PTPRG: variants seen among roughly 807,000 people sequenced by gnomAD.
PTPRG encodes the protein protein tyrosine phosphatase receptor type G.
PTPRG carries 102 observed loss-of-function variants against 165.3 expected under a neutral mutation model. The observed-to-expected ratio is 0.62, with a 90% CI of 0.53 to 0.73. PTPRG has a LOEUF of 0.73. Ranked by LOEUF, PTPRG falls within the 30% of genes least tolerant of loss-of-function variation. The probability of loss-of-function intolerance (pLI) is 0.00; values close to 1 mark genes in which losing one functional copy is unlikely to be tolerated. For synonymous variants in PTPRG, 675 were observed against 669.5 expected (o/e 1.01, Z -0.13); for missense variants, 1,866 against 1,861.4 (o/e 1.00, Z -0.05).
chr3:61,743,045 G>T (rs2033058712), intron 1 of PTPRG: 7 of 1,596,656 alleles, frequency 4.4e-6, no homozygotes, highest in Non-Finnish European at 6.0e-6. Context: ...CGCTTGCGCT[G>T]GTTCCGGTGC....
At chr3:61,978,151 T>A (rs1315609816) in intron 2 of PTPRG, among the ~76,000 whole-genome samples, 1 of 152,190 alleles carries the variant, frequency 6.6e-6, no homozygotes, top group Non-Finnish European at 1.5e-5. Flanking sequence ...CATGCCTGAC[T>A]GACATTTAGA....
chr3:61,999,860 G>C (rs765996668), intron 3 of PTPRG, among the ~76,000 whole-genome samples: 5 of 152,160 alleles, frequency 3.3e-5, no homozygotes, highest in Non-Finnish European at 7.3e-5. Context: ...ATGAGTATCA[G>C]GGAACTATGT....
intron 5 of PTPRG, among the ~76,000 whole-genome samples, chr3:62,121,979 G>T (rs1290725970): frequency 6.6e-6 from 1 of 152,150 alleles, no homozygotes; most frequent in Non-Finnish European, 1.5e-5. Context: ...GAACTCAGGT[G>T]CATGTTAAAT....
At chr3:61,819,423 T>A (rs2687148) in intron 2 of PTPRG, among the ~76,000 whole-genome samples, 1 of 152,160 alleles carries the variant, frequency 6.6e-6, no homozygotes, top group East Asian at 1.9e-4. Flanking sequence ...CAGATAATCA[T>A]AATTGGAGTG....
At chr3:61,790,896 A>G (rs999350994) in intron 2 of PTPRG, among the ~76,000 whole-genome samples, 4 of 152,160 alleles carry the variant, frequency 2.6e-5, no homozygotes, top group Non-Finnish European at 5.9e-5. Flanking sequence ...TTTTTTGAAT[A>G]TCAATAAGAT....
At chr3:61,805,289 T>C (rs867233355) in intron 2 of PTPRG, among the ~76,000 whole-genome samples, 1 of 152,126 alleles carries the variant, frequency 6.6e-6, no homozygotes, top group South Asian at 2.1e-4. Flanking sequence ...CATTCTACAA[T>C]GCACTGGACT....
At position 61,896,717 on chromosome 3, in the gene PTPRG, A is replaced by G. The variant is rs145422032; in HGVS notation, c.191-92908A>G. On this transcript the variant is annotated intron_variant, in intron 2 of 29. Transcript: ENST00000474889. ...GCAATTTTTGACATTACAATTTGAT[A>G]TTGATATTGATACTGATTTTTAATT... Among the ~76,000 whole-genome samples, 459 of 152,222 alleles carry G rather than the reference A, an allele frequency of 3.0e-3. 2 individuals are homozygous for G. Among genetic ancestry groups the G allele is most frequent in the Non-Finnish European group, 3.5e-3 (236 of 68,006 alleles).
Position 62,125,043 on chromosome 3 carries a change from T to A in PTPRG, c.616-7559T>A, listed in dbSNP as rs78792060. Among the ~76,000 whole-genome samples the A allele has an allele frequency of 4.1e-3, 624 of 152,270 alleles. 3 individuals are homozygous for A. Among genetic ancestry groups the A allele is most frequent in the Non-Finnish European group, 6.3e-3 (429 of 68,022 alleles). ...TAGAATTCAGTACATATTGGTTGAA[T>A]CAATGAGTTTAAGGAGCCAGTGCTT... On this transcript the variant is annotated intron_variant, in intron 5 of 29. Coordinates refer to ENST00000474889, the MANE Select transcript of PTPRG (RefSeq NM_002841.4).
intron 8 of PTPRG, among the ~76,000 whole-genome samples, chr3:62,174,272 T>C (rs1705330074): frequency 6.6e-6 from 1 of 152,234 alleles, no homozygotes; most frequent in Non-Finnish European, 1.5e-5. Context: ...CCAAACCTGT[T>C]CAAACCGCAG....
chr3:61,957,367 A>G (rs2040055595), intron 2 of PTPRG, among the ~76,000 whole-genome samples: 1 of 152,200 alleles, frequency 6.6e-6, no homozygotes, highest in African/African-American at 2.4e-5. Context: ...TTTTAGTAAA[A>G]ATTATTCATG....
chr3:61,611,055 G>A (rs1701153698), intron 1 of PTPRG, among the ~76,000 whole-genome samples: 1 of 152,100 alleles, frequency 6.6e-6, no homozygotes, highest in Non-Finnish European at 1.5e-5. Flanking sequence ...TCCTGTCTTG[G>A]CCTCCCAAAG....
intron 2 of PTPRG, among the ~76,000 whole-genome samples, chr3:61,827,050 T>C (rs1224810517): frequency 2.0e-5 from 3 of 152,210 alleles, no homozygotes; most frequent in Admixed American, 6.5e-5. Flanking sequence ...AATGAGGATA[T>C]AGACGTTTGT....
intron 28 of PTPRG, among the ~76,000 whole-genome samples, chr3:62,287,101 A>T (rs1702692895): frequency 6.6e-6 from 1 of 152,194 alleles, no homozygotes; most frequent in Admixed American, 6.5e-5. Flanking sequence ...CATGGAGTGC[A>T]TGCATACTCC....
At chr3:61,602,323 C>A (rs529315836) in intron 1 of PTPRG, among the ~76,000 whole-genome samples, 2 of 152,100 alleles carry the variant, frequency 1.3e-5, no homozygotes, top group African/African-American at 4.8e-5. Context: ...CACCTGCCCC[C>A]TTGTAATTAA....
At chr3:61,724,340 T>G (rs1445891997) in intron 1 of PTPRG, among the ~76,000 whole-genome samples, 1 of 152,142 alleles carries the variant, frequency 6.6e-6, no homozygotes, top group Non-Finnish European at 1.5e-5. Flanking sequence ...TTGGCCTTAT[T>G]GTAAAGTAGT....
chr3:61,980,051 G>C (rs1388989346), intron 2 of PTPRG, among the ~76,000 whole-genome samples: 1 of 151,720 alleles, frequency 6.6e-6, no homozygotes, highest in East Asian at 1.9e-4. Flanking sequence ...ACTTGTGATT[G>C]AAATTTCTCA....
intron 1 of PTPRG, among the ~76,000 whole-genome samples, chr3:61,655,829 A>C (rs1456441097): frequency 6.6e-6 from 1 of 152,062 alleles, no homozygotes; most frequent in Non-Finnish European, 1.5e-5. Context: ...ACTGGTCTTG[A>C]ACTCCTGGTC....
chr3:61,709,066 C>T (rs1230591484), intron 1 of PTPRG, among the ~76,000 whole-genome samples: 1 of 152,224 alleles, frequency 6.6e-6, no homozygotes, highest in Non-Finnish European at 1.5e-5. Flanking sequence ...TATGCTGGAT[C>T]ATTTTGTGCT....
intron 4 of PTPRG, among the ~76,000 whole-genome samples, chr3:62,058,328 T>G (rs1700696426): frequency 6.6e-6 from 1 of 152,040 alleles, no homozygotes; most frequent in South Asian, 2.1e-4. Flanking sequence ...GATATGCACT[T>G]ATTTATTATT....
Sources: gnomAD v4.1 joint callset for allele counts (sites outside exome capture counted in the v4.1 genomes callset) on GRCh38, gnomAD v4.1.1 for gene constraint, MANE v1.5 for transcripts, NCBI Gene and HGNC (gene_info 2026-07-23, HGNC 2026-07-21) for gene names.